Variants in CPNE4 observed in about 807,000 individuals in gnomAD.
CPNE4 encodes copine-4.
CPNE4 carries 25 observed loss-of-function variants against 67.9 expected under a neutral mutation model. The ratio of observed to expected loss-of-function variants is 0.37; its 90% CI spans 0.27 to 0.51. CPNE4 has a LOEUF of 0.51. Among genes scored for constraint, CPNE4 ranks in the 20% least tolerant of loss-of-function variants. The pLI is 0.93. For synonymous variants in CPNE4, 242 were observed against 244.9 expected (o/e 0.99, Z 0.11); for missense variants, 464 against 690.8 (o/e 0.67, Z 3.68).
At chr3:131,565,607 A>G (rs963072869) in intron 10 of CPNE4, among the ~76,000 whole-genome samples, 29 of 151,974 alleles carry the variant, frequency 1.9e-4, no homozygotes, top group African/African-American at 6.5e-4. Flanking sequence ...TAGGAAAGAA[A>G]AGCAATAGGC....
At chr3:131,949,574 C>G (rs1486674526) in intron 1 of CPNE4, among the ~76,000 whole-genome samples, 1 of 152,146 alleles carries the variant, frequency 6.6e-6, no homozygotes, top group African/African-American at 2.4e-5. Context: ...TCACCACCTA[C>G]TATTTGCTAG....
intron 3 of CPNE4, among the ~76,000 whole-genome samples, chr3:131,700,395 G>T (rs1486391157): frequency 6.6e-6 from 1 of 152,174 alleles, no homozygotes; most frequent in East Asian, 1.9e-4. Context: ...AGGAACTAAA[G>T]GGCTAAATAT....
At chr3:131,981,971 T>C (rs531936179) in intron 1 of CPNE4, among the ~76,000 whole-genome samples, 1 of 152,198 alleles carries the variant, frequency 6.6e-6, no homozygotes, top group African/African-American at 2.4e-5. Context: ...CTTCAGAGGG[T>C]CTGTGGGTCC....
At chr3:131,654,127 G>A (rs2107629152) in intron 7 of CPNE4, among the ~76,000 whole-genome samples, 1 of 152,248 alleles carries the variant, frequency 6.6e-6, no homozygotes, top group South Asian at 2.1e-4. Flanking sequence ...CTCCTCAGGT[G>A]ATTCTAATAT....
intron 1 of CPNE4, among the ~76,000 whole-genome samples, chr3:132,020,821 A>T (rs1296636934): frequency 6.6e-6 from 1 of 152,208 alleles, no homozygotes; most frequent in African/African-American, 2.4e-5. Context: ...CACAGCTGGA[A>T]CATGCCCAAA....
intron 9 of CPNE4, among the ~76,000 whole-genome samples, chr3:131,576,869 G>T (rs1937562045): frequency 6.6e-6 from 1 of 151,998 alleles, no homozygotes; most frequent in Non-Finnish European, 1.5e-5. Flanking sequence ...TGACCCTAGG[G>T]GCATATAAGG....
chr3:132,009,161 C>A, intron 1 of CPNE4, among the ~76,000 whole-genome samples: 1 of 152,186 alleles, frequency 6.6e-6, no homozygotes, highest in Non-Finnish European at 1.5e-5. Flanking sequence ...GGTCACATGG[C>A]TGCTCTGTCT....
intron 2 of CPNE4, among the ~76,000 whole-genome samples, chr3:131,744,876 T>TG (rs939204063): frequency 3.3e-5 from 5 of 152,170 alleles, no homozygotes; most frequent in African/African-American, 1.2e-4. Context: ...CTACTGCAGA[T>TG]GGGGGGTGTT....
chr3:131,593,964 T>C (rs57644772), intron 7 of CPNE4, among the ~76,000 whole-genome samples: 18,994 of 152,088 alleles, frequency 0.12, 1,559 homozygotes, highest in African/African-American at 0.23. Flanking sequence ...GTAATCTGCC[T>C]GCCTCGGACT....
chr3:131,855,267 C>T lies in CPNE4; in HGVS notation c.180+49997G>A, dbSNP rs528447088. On this transcript the variant is annotated intron_variant, in intron 2 of 15. Coordinates refer to ENST00000429747, the MANE Select transcript of CPNE4 (RefSeq NM_130808.3). ...CTTAGATCTCCCACTTGGGCATTGG[C>T]TAGCATATGTTAAGGCATTGAAACT... 3.3e-5 allele frequency among the ~76,000 whole-genome samples: 5 copies of T among 152,044 alleles called. No individual in the cohort carries two copies. The East Asian group carries it at 9.7e-4, about 29-fold the overall frequency.
chr3:132,001,224 G>C (rs1267914104), intron 1 of CPNE4, among the ~76,000 whole-genome samples: 2 of 151,974 alleles, frequency 1.3e-5, no homozygotes, highest in African/African-American at 4.8e-5. Context: ...CTAGAGAACA[G>C]AAGGTCAGCT....
At chr3:131,778,567 C>T (rs2083350110) in intron 2 of CPNE4, among the ~76,000 whole-genome samples, 1 of 152,084 alleles carries the variant, frequency 6.6e-6, no homozygotes. Context: ...TACCTACTCC[C>T]TCCATAGTCT....
chr3:131,638,404 G>C (rs558330884), intron 7 of CPNE4, among the ~76,000 whole-genome samples: 10 of 151,532 alleles, frequency 6.6e-5, no homozygotes, highest in Non-Finnish European at 1.0e-4. Flanking sequence ...CTTGAAAGCA[G>C]CAGCAGTTAA....
In CPNE4 at chr3:131,555,615, G is replaced by T; in HGVS notation, c.1062-64C>A. On this transcript the variant is annotated intron_variant, in intron 11 of 15. Coordinates refer to ENST00000429747, the MANE Select transcript of CPNE4 (RefSeq NM_130808.3). Reference sequence around the variant, plus strand: ...CTTCATTTATTCATTTAATGAGAAAGAAAAACATTAACCTACATTACTAGG... The same window carrying T: ...CTTCATTTATTCATTTAATGAGAAATAAAAACATTAACCTACATTACTAGG... 4.2e-6 allele frequency: 6 copies of T among 1,411,846 alleles called. No individual in the cohort carries two copies. The South Asian group carries it at 6.0e-5, about 14-fold the overall frequency. The allele number at this position is 1,411,846 out of a possible 1,614,324, so 87.5% of individuals were successfully genotyped here.
chr3:132,017,092 C>A (rs1013326314), intron 1 of CPNE4, among the ~76,000 whole-genome samples: 1 of 152,074 alleles, frequency 6.6e-6, no homozygotes, highest in Admixed American at 6.6e-5. Flanking sequence ...CCCTCGGTAG[C>A]CAGAAGGTAG....
intron 7 of CPNE4, among the ~76,000 whole-genome samples, chr3:131,608,257 G>A (rs1238091065): frequency 2.0e-5 from 3 of 152,106 alleles, no homozygotes; most frequent in African/African-American, 4.8e-5. Flanking sequence ...AACACAGTAG[G>A]GGAAGTCAGT....
intron 7 of CPNE4, among the ~76,000 whole-genome samples, chr3:131,612,508 T>A (rs1172145294): frequency 6.6e-6 from 1 of 152,216 alleles, no homozygotes; most frequent in Non-Finnish European, 1.5e-5. Flanking sequence ...TTAATTCACA[T>A]ATTTGTCATG....
intron 2 of CPNE4, among the ~76,000 whole-genome samples, chr3:131,804,911 A>G (rs946505968): frequency 2.0e-5 from 3 of 152,250 alleles, no homozygotes; most frequent in African/African-American, 7.2e-5. Flanking sequence ...TAACTGCCCA[A>G]CTAAGCACAG....
intron 1 of CPNE4, among the ~76,000 whole-genome samples, chr3:131,961,591 T>A (rs1355346840): frequency 6.6e-6 from 1 of 152,206 alleles, no homozygotes; most frequent in Admixed American, 6.5e-5. Flanking sequence ...TCATCCAATA[T>A]ATTACCCCCT....
Sources: gnomAD v4.1 joint callset for allele counts (sites outside exome capture counted in the v4.1 genomes callset) on GRCh38, gnomAD v4.1.1 for gene constraint, MANE v1.5 for transcripts, NCBI Gene and HGNC (gene_info 2026-07-23, HGNC 2026-07-21) for gene names.